The following LONRF1 variants were observed in gnomAD, a reference collection of about 807,000 sequenced individuals.
LONRF1 encodes the protein LON peptidase N-terminal domain and RING finger protein 1.
In LONRF1, 37 loss-of-function variants were observed where a neutral mutation model predicts 85.8. That is an observed-to-expected ratio of 0.43 (90% CI 0.33 to 0.57). The LOEUF (loss-of-function observed/expected upper bound fraction) is 0.57. Among genes scored for constraint, LONRF1 ranks in the 20% least tolerant of loss-of-function variants. LONRF1 has a pLI of 0.04. For synonymous variants in LONRF1, 517 were observed against 390.1 expected (o/e 1.33, Z -3.83); for missense variants, 1,036 against 978.0 (o/e 1.06, Z -0.79).
chr8:12,728,858 C>T, intron 10 of LONRF1, 43 bp downstream of exon 10: 1 of 1,609,498 alleles, frequency 6.2e-7, no homozygotes, highest in East Asian at 2.2e-5. Flanking sequence ...ATCCCTGGAA[C>T]AGGATATACG....
chr8:12,735,478 C>T, intron 6 of LONRF1, 78 bp from the exon 7 acceptor site: 2 of 888,788 alleles, frequency 2.3e-6, no homozygotes, highest in Non-Finnish European at 3.6e-6. Context: ...AGAACCATAA[C>T]ACTAATCTCT....
At chr8:12,731,485 A>G (rs1798527589) in intron 8 of LONRF1, among the ~76,000 whole-genome samples, 1 of 151,528 alleles carries the variant, frequency 6.6e-6, no homozygotes, top group Non-Finnish European at 1.5e-5. Flanking sequence ...GCCTGATGGC[A>G]CTGTAGGAAA....
chr8:12,751,296 GTTTTT>G (rs869038024), intron 1 of LONRF1, among the ~76,000 whole-genome samples: 10 of 69,530 alleles, frequency 1.4e-4, no homozygotes, highest in African/African-American at 3.1e-4. Flanking sequence ...TTATTTTTAT[GTTTTT>G]TTTTTTTTTT....
rs753526454 is a variant in LONRF1, at chr8:12,725,879, C to T, written c.2011G>A (p.Val671Ile). 2.5e-6 allele frequency: 4 copies of T among 1,607,110 alleles called. No homozygotes were observed. Among genetic ancestry groups the T allele is most frequent in the Non-Finnish European group, 3.4e-6 (4 of 1,176,306 alleles). ...ADIEYLEDVK[V>I]ENEDEIKNLR... ...TTCTTAATCTCATCTTCATTCTCAACCTAGAAATACAATAGTCAGTAAGAC... is the reference window on the plus strand; with the variant it reads ...TTCTTAATCTCATCTTCATTCTCAATCTAGAAATACAATAGTCAGTAAGAC... The change falls in exon 11 of 12, where the codon GTT becomes ATT. Residue 671 changes from valine to isoleucine, a missense_variant and splice_region_variant. Around this residue, in one of 3 missense-constraint regions of LONRF1, gnomAD observed 265 missense variants for 301.5 expected, o/e 0.88. Transcript: ENST00000398246.
Position 12,729,015 on chromosome 8 carries a change from T to A in LONRF1, c.1896A>T (p.Leu632Phe). The A allele has an allele frequency of 6.2e-7, 1 of 1,614,066 alleles. No individual in the cohort carries two copies. Among genetic ancestry groups the A allele is most frequent in the East Asian group, 2.2e-5 (1 of 44,888 alleles). ...TATCAACCACAGACCTTCCGTCCGG[T>A]AAGAAATGCACGTTTCTAATTTGTA... ...CMLQIRNVHFLPDGRSVVDTV... is the reference protein window; with the variant it reads ...CMLQIRNVHFFPDGRSVVDTV... Residue 632 changes from leucine to phenylalanine, a missense_variant, in exon 10 of 12, where the codon TTA becomes TTT. Leu to Phe is a conservative substitution (Grantham distance 22). Around this residue, in one of 3 missense-constraint regions of LONRF1, gnomAD observed 265 missense variants for 301.5 expected, o/e 0.88. Coordinates refer to ENST00000398246, the MANE Select transcript of LONRF1 (RefSeq NM_152271.5).
At chr8:12,742,561 A>G (rs933052648) in intron 2 of LONRF1, among the ~76,000 whole-genome samples, 8 of 152,296 alleles carry the variant, frequency 5.3e-5, no homozygotes, top group African/African-American at 9.6e-5. Context: ...ATCTCATTCA[A>G]TGAAGTCCAG....
chr8:12,732,229 A>G (rs1158415901), intron 7 of LONRF1, among the ~76,000 whole-genome samples: 1 of 152,232 alleles, frequency 6.6e-6, no homozygotes, highest in Non-Finnish European at 1.5e-5. Context: ...CAAAAACGGG[A>G]TAAGGAATAA....
At chr8:12,751,092 C>G (rs908999884) in intron 1 of LONRF1, among the ~76,000 whole-genome samples, 1 of 152,086 alleles carries the variant, frequency 6.6e-6, no homozygotes, top group Non-Finnish European at 1.5e-5. Context: ...AGGGCTGCGT[C>G]AGGATTGGAA....
At chr8:12,728,688 G>A (rs1043968266) in intron 10 of LONRF1, among the ~76,000 whole-genome samples, 4 of 152,206 alleles carry the variant, frequency 2.6e-5, no homozygotes, top group African/African-American at 9.6e-5. Flanking sequence ...CAGAAATAAA[G>A]AGAATCTATG....
At position 12,730,176 on chromosome 8, in the gene LONRF1, G is replaced by C. The variant is rs192415818; in HGVS notation, c.1689-844C>G. On this transcript the variant is annotated intron_variant, in intron 8 of 11. Transcript: ENST00000398246. ...ATCAATTATGGTACATCCATAAAACGGAATACTATGTTTCCATTAAAAGAT... is the reference window on the plus strand; with the variant it reads ...ATCAATTATGGTACATCCATAAAACCGAATACTATGTTTCCATTAAAAGAT... 2.3e-3 allele frequency among the ~76,000 whole-genome samples: 354 copies of C among 152,218 alleles called. 1 individual carries two copies. The highest frequency in any genetic ancestry group is 5.8e-3 in the South Asian group (28 of 4,826).
chr8:12,737,436 A>G, intron 4 of LONRF1: 1 of 531,908 alleles, frequency 1.9e-6, no homozygotes, highest in Non-Finnish European at 3.5e-6. Flanking sequence ...CCTAGACAAT[A>G]CAGTATAACA....
rs762452688 is a variant in LONRF1, at chr8:12,738,139, T to C, written c.969A>G (p.Leu323=). 2 of 1,536,068 alleles carry C rather than the reference T, an allele frequency of 1.3e-6. No homozygotes were observed. The highest frequency in any genetic ancestry group is 1.8e-6 in the Non-Finnish European group (2 of 1,128,496). ...APAKLQVQKI[L]CDLLLPENLK... is the part of the protein sequence containing the mutation. ...AGTTTTCAGGTAATAATAAATCACA[T>C]AAAATCTGTAAGAGAAATATTAAAA... Residue 323 remains leucine (L), a synonymous_variant, in exon 4 of 12, where the codon TTA becomes TTG. Transcript: ENST00000398246.
chr8:12,735,556 C>T, intron 6 of LONRF1, 156 bp from the exon 7 acceptor site: 1 of 588,790 alleles, frequency 1.7e-6, no homozygotes, highest in Non-Finnish European at 3.0e-6. Flanking sequence ...TAAGTGTAAC[C>T]ATACCCTCCA....
chr8:12,751,294 A>ATTTTTTTTTTTTTTT (rs1554469328), intron 1 of LONRF1, among the ~76,000 whole-genome samples: 18 of 84,810 alleles, frequency 2.1e-4, no homozygotes, highest in South Asian at 5.1e-4. Flanking sequence ...TTTTATTTTT[A>ATTTTTTTTTTTTTTT]TGTTTTTTTT....
chr8:12,743,366 A>T lies in LONRF1; in HGVS notation c.722-84T>A, dbSNP rs1201976262. On this transcript the variant is annotated intron_variant, in intron 1 of 11. Transcript: ENST00000398246. ...AAAATATGATCATACCAGATTAAGA[A>T]ATGACTTAGTGATTCCAGGGTTAAT... The T allele has an allele frequency of 3.4e-6, 3 of 885,926 alleles. No individual in the cohort carries two copies. The African/African-American group carries it at 5.1e-5, about 15-fold the overall frequency. 54.9% of individuals were successfully genotyped at this position (885,926 alleles called of 1,614,324 possible). A position where few individuals can be genotyped will look rare whatever the true frequency, so the allele number is the denominator to read the frequency against.
Position 12,740,229 on chromosome 8 carries a change from G to C in LONRF1, c.963+645C>G, listed in dbSNP as rs528672267. ...CATAGATTTTCTCAAAGAATTTTTC[G>C]AAGATATTCTGTGAATAAGTCTTGC... On this transcript the variant is annotated intron_variant, in intron 3 of 11. Transcript: ENST00000398246. Among the ~76,000 whole-genome samples, 3 of 152,250 alleles carry C rather than the reference G, an allele frequency of 2.0e-5. No individual in the cohort carries two copies. The East Asian group carries it at 5.8e-4, about 29-fold the overall frequency.
At chr8:12,751,300 T>TTTTTTTG (rs747238196) in intron 1 of LONRF1, among the ~76,000 whole-genome samples, 4 of 83,776 alleles carry the variant, frequency 4.8e-5, no homozygotes, top group South Asian at 5.4e-4. Flanking sequence ...TTTTATGTTT[T>TTTTTTTG]TTTTTTTTTT....
At position 12,755,185 on chromosome 8, in the gene LONRF1, G is replaced by T; in HGVS notation, c.236C>A (p.Ala79Asp). ...EAFAAALRRG[A>D]PARPECLGAL... Reference sequence around the variant, plus strand: ...GCCCAGGCACTCGGGCCTGGCCGGGGCCCCGCGGCGCAGCGCCGCCGCGAA... The same window carrying T: ...GCCCAGGCACTCGGGCCTGGCCGGGTCCCCGCGGCGCAGCGCCGCCGCGAA... Residue 79 changes from alanine to aspartate, a missense_variant, in exon 1 of 12, where the codon GCC (alanine) becomes GAC (aspartate). By Grantham distance (126) the Ala-to-Asp change is moderately radical. Transcript: ENST00000398246. 7.6e-7 allele frequency: 1 copy of T among 1,324,406 alleles called. No homozygotes were observed. The highest frequency in any genetic ancestry group is 9.6e-7 in the Non-Finnish European group (1 of 1,044,760). The allele number at this position is 1,324,406 out of a possible 1,614,324, so 82.0% of individuals were successfully genotyped here.
intron 6 of LONRF1, 86 bp from the exon 7 acceptor site, chr8:12,735,486 T>C: frequency 1.2e-6 from 1 of 855,336 alleles, no homozygotes; most frequent in East Asian, 2.7e-5. Flanking sequence ...AACACTAATC[T>C]CTATTTAAAG....
Sources: gnomAD v4.1 joint callset for allele counts (sites outside exome capture counted in the v4.1 genomes callset) on GRCh38, gnomAD v4.1.1 for gene constraint, gnomAD v4.1.1 regional missense constraint, MANE v1.5 for transcripts, NCBI Gene and HGNC (gene_info 2026-07-23, HGNC 2026-07-21) for gene names.